Variants in PLB1 observed in about 807,000 individuals in gnomAD.
PLB1 encodes phospholipase B1, membrane-associated.
In PLB1, 242 loss-of-function variants were observed where a neutral mutation model predicts 227.4. The ratio of observed to expected loss-of-function variants is 1.06; its 90% CI spans 0.96 to 1.18. PLB1 has a LOEUF of 1.18. Among genes scored for constraint, PLB1 ranks in the 50% most tolerant of loss-of-function variants. The pLI is 0.00. For synonymous variants in PLB1, 757 were observed against 682.2 expected (o/e 1.11, Z -1.71); for missense variants, 1,858 against 1,816.3 (o/e 1.02, Z -0.42).
chr2:28,631,994 G>A (rs903425022), intron 54 of PLB1, 42 bp from the exon 55 acceptor site: 7 of 1,543,032 alleles, frequency 4.5e-6, no homozygotes, highest in Middle Eastern at 3.8e-4. Context: ...TGTCTGTGCA[G>A]CCTTGCCAGG....
chr2:28,572,906 T>C (rs1041611982), intron 20 of PLB1, among the ~76,000 whole-genome samples: 14 of 152,212 alleles, frequency 9.2e-5, no homozygotes, highest in African/African-American at 2.7e-4. Flanking sequence ...GGTAAGTGAA[T>C]TATATCTCAG....
intron 17 of PLB1, among the ~76,000 whole-genome samples, chr2:28,558,699 GTGTGTA>G (rs1675550319): frequency 1.4e-5 from 2 of 139,166 alleles, no homozygotes; most frequent in African/African-American, 5.5e-5. Context: ...TTCATGGTGT[GTGTGTA>G]TGTGTGTGTG....
At chr2:28,577,265 T>A (rs1272384464) in intron 21 of PLB1, among the ~76,000 whole-genome samples, 1 of 152,204 alleles carries the variant, frequency 6.6e-6, no homozygotes, top group Non-Finnish European at 1.5e-5. Context: ...CCAGTGACCC[T>A]CCAAGATCAG....
intron 54 of PLB1, among the ~76,000 whole-genome samples, chr2:28,631,398 G>T (rs562561404): frequency 2.0e-5 from 3 of 152,016 alleles, no homozygotes; most frequent in Admixed American, 6.6e-5. Flanking sequence ...CTTCACCCGC[G>T]GACATCTCCC....
At chr2:28,596,665 T>C (rs917059001) in intron 33 of PLB1, among the ~76,000 whole-genome samples, 25 of 152,348 alleles carry the variant, frequency 1.6e-4, no homozygotes, top group African/African-American at 5.3e-4. Flanking sequence ...AACAGCTTCA[T>C]GCAGAGCTGG....
chr2:28,591,726 G>C lies in PLB1; in HGVS notation c.2154G>C (p.Arg718Ser), dbSNP rs1573244447. 6.2e-7 allele frequency: 1 copy of C among 1,613,838 alleles called. No homozygotes were observed. Among genetic ancestry groups the C allele is most frequent in the African/African-American group, 1.3e-5 (1 of 74,898 alleles). ...GTCATGGGACCTGGCTGCCATGCAG[G>C]GACAGAGCCCCTTCTGCCTTGCACC... is the stretch of plus-strand genomic sequence containing the variant. The part of the protein sequence containing the change: ...MQGHGTWLPC[R>S]DRAPSALHPT... The change falls in exon 31 of 58, where the codon AGG becomes AGC. Residue 718 changes from arginine (R) to serine (S), a missense_variant. By Grantham distance (110) the Arg-to-Ser change is moderately radical. Transcript: ENST00000327757.
intron 14 of PLB1, among the ~76,000 whole-genome samples, chr2:28,544,536 A>G (rs1304953287): frequency 1.3e-5 from 2 of 152,238 alleles, no homozygotes; most frequent in South Asian, 2.1e-4. Flanking sequence ...GGGGGATACA[A>G]GAGACCCACC....
rs191637109 is a variant in PLB1, at chr2:28,642,983, C to T, written c.4299C>T (p.Ile1433=). The change falls in exon 58 of 58, where the codon ATC becomes ATT. Residue 1433 remains isoleucine, a synonymous_variant. Transcript: ENST00000327757. ...GAGTCGGCCTTGTGGTGGGCATCATCGGGACAGTGGTCTGGAGGTGCAGGA... is the reference window on the plus strand; with the variant it reads ...GAGTCGGCCTTGTGGTGGGCATCATTGGGACAGTGGTCTGGAGGTGCAGGA... ...AAGVGLVVGI[I]GTVVWRCRRG... is the part of the protein sequence containing the mutation. The T allele has an allele frequency of 4.0e-5, 65 of 1,610,594 alleles. No individual in the cohort carries two copies. The highest frequency in any genetic ancestry group is 2.3e-4 in the African/African-American group (17 of 75,034).
At chr2:28,530,906 A>G (rs931777838) in intron 8 of PLB1, among the ~76,000 whole-genome samples, 3 of 152,252 alleles carry the variant, frequency 2.0e-5, no homozygotes, top group Non-Finnish European at 2.9e-5. Context: ...TGATTATTCT[A>G]TAAAATAGAG....
In PLB1 at chr2:28,629,130, G is replaced by C. The variant is rs759487238; in HGVS notation, c.3763G>C (p.Glu1255Gln). 6.2e-7 allele frequency: 1 copy of C among 1,613,964 alleles called. No individual in the cohort carries two copies. Among genetic ancestry groups the C allele is most frequent in the South Asian group, 1.1e-5 (1 of 91,050 alleles). Residue 1255 changes from glutamate (E) to glutamine (Q), a missense_variant, in exon 53 of 58, where the codon GAG becomes CAG. By Grantham distance (29) the Glu-to-Gln change is conservative (BLOSUM62 2). Transcript: ENST00000327757. ...TTTCGTCAACGTGGTGGAGGTCATG[G>C]AGCTGGCTAGCCTGTACCAGGGCCA... ...RAFVNVVEVM[E>Q]LASLYQGQGG...
rs752545430 is a variant in PLB1, at chr2:28,538,329, C to T, written c.566C>T (p.Ala189Val). ...LCPSAQQNGL[A>V]AGGVDELMGV... Reference sequence around the variant, plus strand: ...GTTCTCCTCTCACAGAATGGGCTTGCGGCGGGCGGCGTGGATGAGCTGATG... The same window carrying T: ...GTTCTCCTCTCACAGAATGGGCTTGTGGCGGGCGGCGTGGATGAGCTGATG... Residue 189 changes from alanine to valine, a missense_variant, in exon 10 of 58, where the codon GCG becomes GTG. Coordinates refer to ENST00000327757, the MANE Select transcript of PLB1 (RefSeq NM_153021.5). The T allele has an allele frequency of 9.3e-6, 15 of 1,613,202 alleles. No individual in the cohort carries two copies. In the Admixed American group the frequency reaches 1.0e-4, roughly 11 times the overall value.
At chr2:28,611,388 A>G (rs1685438909) in intron 43 of PLB1, among the ~76,000 whole-genome samples, 1 of 152,184 alleles carries the variant, frequency 6.6e-6, no homozygotes, top group Non-Finnish European at 1.5e-5. Flanking sequence ...GACTGACTCC[A>G]GCCCCTGGAC....
intron 20 of PLB1, among the ~76,000 whole-genome samples, chr2:28,569,491 G>A (rs775200385): frequency 7.2e-5 from 11 of 152,134 alleles, no homozygotes; most frequent in Non-Finnish European, 1.5e-4. Flanking sequence ...ACTTTAGACT[G>A]ACAAAAGGGA....
At chr2:28,532,252 A>T in intron 9 of PLB1, 58 bp downstream of exon 9, 2 of 1,406,634 alleles carry the variant, frequency 1.4e-6, no homozygotes, top group Non-Finnish European at 2.0e-6. Context: ...GAGGGAGTGA[A>T]CTAAACCTGC....
chr2:28,633,024 A>G lies in PLB1; in HGVS notation c.4083A>G (p.Ala1361=). 6.2e-7 allele frequency: 1 copy of G among 1,612,318 alleles called. No individual in the cohort carries two copies. Among genetic ancestry groups the G allele is most frequent in the Non-Finnish European group, 8.5e-7 (1 of 1,179,936 alleles). Residue 1361 remains alanine, a synonymous_variant, in exon 56 of 58, where the codon GCA becomes GCG. Transcript: ENST00000327757. The part of the protein sequence containing the change: ...SDRGHAEMAI[A]LWNNMLEPVG... Reference sequence around the variant, plus strand: ...GCGGGCATGCCGAGATGGCCATCGCACTCTGGAACAACATGGTGAGCAGCC... The same window carrying G: ...GCGGGCATGCCGAGATGGCCATCGCGCTCTGGAACAACATGGTGAGCAGCC...
Position 28,585,997 on chromosome 2 carries a change from G to C in PLB1, c.1815+155G>C, listed in dbSNP as rs187345968. Among the ~76,000 whole-genome samples, 535 of 152,250 alleles carry C rather than the reference G, an allele frequency of 3.5e-3. 1 individual carries two copies. The highest frequency in any genetic ancestry group is 5.4e-3 in the Non-Finnish European group (370 of 68,022). ...TTTAAAACACCCTGAGACACAGCAG[G>C]GGCTGCTACTTGGTTTGTATGAATT... On this transcript the variant is annotated intron_variant, in intron 26 of 57. Coordinates refer to ENST00000327757, the MANE Select transcript of PLB1 (RefSeq NM_153021.5).
chr2:28,538,023 A>G (rs1260314164), intron 9 of PLB1, among the ~76,000 whole-genome samples: 1 of 152,234 alleles, frequency 6.6e-6, no homozygotes, highest in Non-Finnish European at 1.5e-5. Flanking sequence ...GAATCACACC[A>G]GGTATTTCTG....
intron 24 of PLB1, 33 bp downstream of exon 24, chr2:28,582,166 AG>A: frequency 6.3e-7 from 1 of 1,594,754 alleles, no homozygotes; most frequent in South Asian, 1.1e-5. Flanking sequence ...CCTGCATCTT[AG>A]ACCTCAGACC....
chr2:28,563,324 A>G (rs528098968), intron 18 of PLB1, among the ~76,000 whole-genome samples: 31 of 152,018 alleles, frequency 2.0e-4, no homozygotes, highest in African/African-American at 4.6e-4. Context: ...TCCTCCCCCA[A>G]TGCTGAGATG....
Sources: allele counts gnomAD v4.1 joint callset (sites outside exome capture counted in the v4.1 genomes callset), GRCh38; gene constraint gnomAD v4.1.1; transcripts MANE v1.5; gene names NCBI Gene and HGNC (gene_info 2026-07-23, HGNC 2026-07-21).